Variants in ESR1 observed in about 807,000 individuals in gnomAD.
ESR1 encodes estrogen receptor 1.
In ESR1, 12 loss-of-function variants were observed where a neutral mutation model predicts 52.7. The ratio of observed to expected loss-of-function variants is 0.23; its 90% CI spans 0.15 to 0.37. The LOEUF is 0.37. ESR1 is among the 10% of genes least tolerant of loss of function. ESR1 has a pLI of 1.00. For missense variants in ESR1, 584 were observed against 779.7 expected (o/e 0.75, Z 2.99); for synonymous variants, 305 against 316.8 (o/e 0.96, Z 0.39).
rs3036504 is a variant in ESR1, at chr6:151,732,534, TTGTG to T, written c.-71+30550_-71+30553del. The stretch of plus-strand genomic sequence containing the variant: ...TTTATGTTTGTGTATGTGTGTGTGT[TTGTG>T]TGTGTGTGTGTGTGTGTGTGATTTT... On this transcript the variant is annotated intron_variant, in intron 2 of 2. Transcript: ENST00000404742. 2.2e-3 allele frequency among the ~76,000 whole-genome samples: 334 copies of T among 148,864 alleles called. 1 individual carries two copies. The highest frequency in any genetic ancestry group is 3.9e-3 in the Non-Finnish European group (261 of 66,900).
intron 3 of ESR1, among the ~76,000 whole-genome samples, chr6:151,936,724 T>C (rs901514222): frequency 6.6e-6 from 1 of 152,164 alleles, no homozygotes; most frequent in South Asian, 2.1e-4. Flanking sequence ...CAGTGCAGGA[T>C]GTTATTTTGT....
chr6:151,834,674 T>C (rs1347030944), intron 1 of ESR1, among the ~76,000 whole-genome samples: 1 of 151,832 alleles, frequency 6.6e-6, no homozygotes, highest in African/African-American at 2.4e-5. Context: ...ATTCTGCACA[T>C]GTATCCCAGA....
chr6:151,798,163 T>C (rs764718668), intron 2 of ESR1, among the ~76,000 whole-genome samples: 29 of 151,964 alleles, frequency 1.9e-4, no homozygotes, highest in Non-Finnish European at 3.4e-4. Context: ...TGAGGACACA[T>C]ACGTAAGGGA....
intron 2 of ESR1, among the ~76,000 whole-genome samples, chr6:151,730,396 C>G (rs1420490217): frequency 6.6e-6 from 1 of 152,088 alleles, no homozygotes; most frequent in Non-Finnish European, 1.5e-5. Flanking sequence ...TTCTGACCAT[C>G]TTCTACTCTG....
At chr6:151,956,866 A>G (rs2037033342) in intron 4 of ESR1, among the ~76,000 whole-genome samples, 1 of 86,264 alleles carries the variant, frequency 1.2e-5, no homozygotes, top group South Asian at 3.0e-4. Context: ...ATATATAAAT[A>G]TATATATATA....
chr6:151,961,919 G>T (rs186643064), intron 4 of ESR1, among the ~76,000 whole-genome samples: 1 of 152,186 alleles, frequency 6.6e-6, no homozygotes, highest in Non-Finnish European at 1.5e-5. Flanking sequence ...GGCTGGCAGA[G>T]AGTTGAATCT....
At chr6:152,024,871 A>G (rs996013044) in intron 5 of ESR1, among the ~76,000 whole-genome samples, 1 of 150,888 alleles carries the variant, frequency 6.6e-6, no homozygotes, top group Non-Finnish European at 1.5e-5. Flanking sequence ...AAATACATAT[A>G]TAAATATACT....
At chr6:151,919,023 T>G (rs554646011) in intron 3 of ESR1, among the ~76,000 whole-genome samples, 1 of 152,194 alleles carries the variant, frequency 6.6e-6, no homozygotes, top group Non-Finnish European at 1.5e-5. Flanking sequence ...CAGTAACTGA[T>G]AGTAGCCAAG....
chr6:151,902,364 T>C lies in ESR1; in HGVS notation c.760+21593T>C, dbSNP rs552097192. ...CTCATGTTCTTGGAGGTATATTCTA[T>C]TGTCAAGTTAAAGTCGTACCCATCC... is the stretch of plus-strand genomic sequence containing the variant. On this transcript the variant is annotated intron_variant, in intron 3 of 7. Coordinates refer to ENST00000206249, the MANE Select transcript of ESR1 (RefSeq NM_000125.4). 1.8e-4 allele frequency among the ~76,000 whole-genome samples: 27 copies of C among 152,278 alleles called. No homozygotes were observed. In the South Asian group the frequency reaches 5.4e-3, roughly 30 times the overall value.
chr6:152,103,316 A>C (rs1342111747), downstream of ESR1: 8 of 174,042 alleles, frequency 4.6e-5, no homozygotes, highest in South Asian at 1.6e-3. Context: ...TCTTGCTAGC[A>C]GTTCACCACT....
At chr6:151,997,791 T>A (rs983879661) in intron 4 of ESR1, among the ~76,000 whole-genome samples, 1 of 151,936 alleles carries the variant, frequency 6.6e-6, no homozygotes, top group Non-Finnish European at 1.5e-5. Context: ...CTGGATGGAG[T>A]GGCAGAAGAG....
intron 5 of ESR1, among the ~76,000 whole-genome samples, chr6:152,030,479 G>T (rs2044592441): frequency 6.6e-6 from 1 of 152,056 alleles, no homozygotes; most frequent in Admixed American, 6.6e-5. Flanking sequence ...AAAGGCAGGG[G>T]TTGCAATCCT....
intron 3 of ESR1, among the ~76,000 whole-genome samples, chr6:151,901,998 G>A (rs1796764126): frequency 6.6e-6 from 1 of 152,136 alleles, no homozygotes; most frequent in Admixed American, 6.5e-5. Context: ...TTTATTTTAT[G>A]TTTGAAGTTT....
intron 3 of ESR1, among the ~76,000 whole-genome samples, chr6:151,910,908 G>A (rs534837905): frequency 1.2e-4 from 18 of 152,266 alleles, no homozygotes; most frequent in South Asian, 1.0e-3. Flanking sequence ...GGATTGCAGC[G>A]GGGATGGTTT....
chr6:151,960,785 A>G (rs2037563862), intron 4 of ESR1, among the ~76,000 whole-genome samples: 1 of 152,176 alleles, frequency 6.6e-6, no homozygotes, highest in Admixed American at 6.5e-5. Flanking sequence ...AGCAGCTAGG[A>G]CAGGCTCTAG....
At chr6:151,947,057 C>T (rs2035780986) in intron 4 of ESR1, among the ~76,000 whole-genome samples, 1 of 152,182 alleles carries the variant, frequency 6.6e-6, no homozygotes, top group South Asian at 2.1e-4. Flanking sequence ...GTGGCTCATG[C>T]CTGTAATCCC....
At chr6:152,085,226 G>A (rs1009864913) in intron 6 of ESR1, among the ~76,000 whole-genome samples, 7 of 151,948 alleles carry the variant, frequency 4.6e-5, no homozygotes, top group African/African-American at 1.2e-4. Flanking sequence ...TTGCTTGAGC[G>A]CAGGAGTTTG....
intron 1 of ESR1, among the ~76,000 whole-genome samples, chr6:151,700,077 G>T (rs959513135): frequency 6.3e-5 from 8 of 126,900 alleles, no homozygotes; most frequent in African/African-American, 8.9e-5. Flanking sequence ...GAGGACAAGT[G>T]AAAAAAAAAA....
chr6:151,851,352 T>C (rs1402664697), intron 2 of ESR1, among the ~76,000 whole-genome samples: 1 of 152,138 alleles, frequency 6.6e-6, no homozygotes, highest in Non-Finnish European at 1.5e-5. Flanking sequence ...ATTGCATATA[T>C]TTGATTGCCC....
Sources: gnomAD v4.1 joint callset for allele counts (sites outside exome capture counted in the v4.1 genomes callset) on GRCh38, gnomAD v4.1.1 for gene constraint, MANE v1.5 for transcripts, NCBI Gene and HGNC (gene_info 2026-07-23, HGNC 2026-07-21) for gene names.